The following DAP variants were observed in gnomAD, a reference collection of about 807,000 sequenced individuals.
The protein encoded by DAP is death associated protein.
A neutral mutation model predicts 13.8 loss-of-function variants in DAP; 8 were observed. The observed-to-expected ratio is 0.58, with a 90% CI of 0.34 to 1.05. The LOEUF is 1.05. Ranked by LOEUF, DAP falls within the 50% of genes least tolerant of loss-of-function variation. The pLI is 0.03. For synonymous variants in DAP, 47 were observed against 47.5 expected (o/e 0.99, Z 0.04); for missense variants, 106 against 133.2 (o/e 0.80, Z 1.01).
intron 1 of DAP, among the ~76,000 whole-genome samples, chr5:10,757,541 T>C (rs1740220050): frequency 6.6e-6 from 1 of 152,170 alleles, no homozygotes; most frequent in South Asian, 2.1e-4. Context: ...CCCAAAGTGC[T>C]GGGATTATAG....
At chr5:10,703,386 T>C (rs1019971786) in intron 2 of DAP, among the ~76,000 whole-genome samples, 3 of 152,016 alleles carry the variant, frequency 2.0e-5, no homozygotes, top group Non-Finnish European at 4.4e-5. Context: ...TACAGAGTAG[T>C]TGCAGCCCTG....
chr5:10,694,562 C>T (rs922636299), intron 2 of DAP, among the ~76,000 whole-genome samples: 4 of 152,104 alleles, frequency 2.6e-5, no homozygotes, highest in East Asian at 1.9e-4. Flanking sequence ...AGAACTGGGC[C>T]GCACCTCAAA....
intron 2 of DAP, among the ~76,000 whole-genome samples, chr5:10,712,237 A>T (rs1289219623): frequency 6.6e-6 from 1 of 152,182 alleles, no homozygotes; most frequent in Non-Finnish European, 1.5e-5. Flanking sequence ...CCCTGCTGAC[A>T]CCTTGGTCTT....
intron 2 of DAP, among the ~76,000 whole-genome samples, chr5:10,708,219 C>G (rs1738746940): frequency 6.6e-6 from 1 of 152,138 alleles, no homozygotes; most frequent in African/African-American, 2.4e-5. Flanking sequence ...TATCAAATGG[C>G]TTTCCTACAT....
intron 1 of DAP, among the ~76,000 whole-genome samples, chr5:10,752,511 G>A (rs552499974): frequency 3.9e-5 from 6 of 152,294 alleles, no homozygotes; most frequent in East Asian, 1.9e-4. Flanking sequence ...GATTTTTGTC[G>A]TGGTGGTTGT....
Position 10,731,597 on chromosome 5 carries a change from G to A in DAP, c.152+16578C>T, listed in dbSNP as rs189478558. Among the ~76,000 whole-genome samples the A allele has an allele frequency of 1.1e-4, 16 of 152,214 alleles. 1 individual carries two copies. Among genetic ancestry groups the A allele is most frequent in the African/African-American group, 2.2e-4 (9 of 41,532 alleles). On this transcript the variant is annotated intron_variant, in intron 2 of 3. Coordinates refer to ENST00000230895, the MANE Select transcript of DAP (RefSeq NM_004394.3). The stretch of plus-strand genomic sequence containing the variant: ...GACCTCCCTAGCCTGGCTTCTGCCC[G>A]GCCACACTGCCTGTGGTGCTGGTCT...
At chr5:10,726,161 A>G (rs1451459495) in intron 2 of DAP, among the ~76,000 whole-genome samples, 1 of 152,256 alleles carries the variant, frequency 6.6e-6, no homozygotes, top group African/African-American at 2.4e-5. Flanking sequence ...CCTGTTGGAC[A>G]GTTGTCATTT....
At chr5:10,697,365 A>G (rs549155898) in intron 2 of DAP, among the ~76,000 whole-genome samples, 1 of 152,348 alleles carries the variant, frequency 6.6e-6, no homozygotes, top group South Asian at 2.1e-4. Flanking sequence ...TGTATTAAAA[A>G]CTTTACATGT....
intron 2 of DAP, among the ~76,000 whole-genome samples, chr5:10,725,919 A>C (rs547879883): frequency 6.6e-6 from 1 of 152,246 alleles, no homozygotes; most frequent in Non-Finnish European, 1.5e-5. Context: ...GTGAAGACTA[A>C]TAAGACTAAG....
chr5:10,702,475 A>G (rs1361838366), intron 2 of DAP, among the ~76,000 whole-genome samples: 1 of 152,190 alleles, frequency 6.6e-6, no homozygotes, highest in African/African-American at 2.4e-5. Context: ...TGGAGTCCCC[A>G]AGCAAATGGG....
chr5:10,684,550 C>T (rs1490014165), intron 2 of DAP, among the ~76,000 whole-genome samples: 5 of 152,320 alleles, frequency 3.3e-5, no homozygotes, highest in East Asian at 3.9e-4. Flanking sequence ...ACACTGTTAA[C>T]GTGGGGCTAT....
intron 1 of DAP, among the ~76,000 whole-genome samples, chr5:10,760,691 G>A (rs575413516): frequency 6.6e-6 from 1 of 152,146 alleles, no homozygotes. Flanking sequence ...AATATTATCC[G>A]CCAAAACTTT....
intron 2 of DAP, among the ~76,000 whole-genome samples, chr5:10,688,417 G>A (rs1738211301): frequency 2.6e-5 from 4 of 152,102 alleles, no homozygotes; most frequent in South Asian, 2.1e-4. Flanking sequence ...TTTTTTAGAC[G>A]TAATGCTACT....
At chr5:10,699,400 CTG>C (rs1738511876) in intron 2 of DAP, among the ~76,000 whole-genome samples, 1 of 152,230 alleles carries the variant, frequency 6.6e-6, no homozygotes, top group African/African-American at 2.4e-5. Context: ...TGTTCACACA[CTG>C]TATAGGACGC....
At chr5:10,731,794 G>A (rs1739468336) in intron 2 of DAP, among the ~76,000 whole-genome samples, 1 of 152,244 alleles carries the variant, frequency 6.6e-6, no homozygotes, top group Admixed American at 6.5e-5. Context: ...GAAGATGCCT[G>A]TTTCTTCCTC....
At chr5:10,709,386 C>G (rs936579829) in intron 2 of DAP, among the ~76,000 whole-genome samples, 3 of 152,186 alleles carry the variant, frequency 2.0e-5, no homozygotes, top group Non-Finnish European at 4.4e-5. Flanking sequence ...GTGTGGTGTG[C>G]CAGACCCAAA....
intron 1 of DAP, among the ~76,000 whole-genome samples, chr5:10,748,666 A>T (rs1739972337): frequency 6.6e-6 from 1 of 152,194 alleles, no homozygotes; most frequent in Non-Finnish European, 1.5e-5. Flanking sequence ...AATATCGAAG[A>T]TGTTTTTGAT....
chr5:10,744,147 T>A (rs140556342), intron 2 of DAP, among the ~76,000 whole-genome samples: 5 of 152,208 alleles, frequency 3.3e-5, no homozygotes, highest in African/African-American at 1.2e-4. Context: ...CAGAGATGAG[T>A]CAGTAAATTT....
intron 2 of DAP, among the ~76,000 whole-genome samples, chr5:10,724,879 A>T (rs1739245251): frequency 6.6e-6 from 1 of 151,932 alleles, no homozygotes; most frequent in African/African-American, 2.4e-5. Context: ...TGACAAACCC[A>T]ACAGCCGCCA....
Sources: gnomAD v4.1 joint callset for allele counts (sites outside exome capture counted in the v4.1 genomes callset) on GRCh38, gnomAD v4.1.1 for gene constraint, MANE v1.5 for transcripts, NCBI Gene and HGNC (gene_info 2026-07-23, HGNC 2026-07-21) for gene names.